The following CDK13 variants were observed in gnomAD, a reference collection of about 807,000 sequenced individuals.
CDK13 encodes cyclin-dependent kinase 13.
In CDK13, 40 loss-of-function variants were observed where a neutral mutation model predicts 137.6. That is an observed-to-expected ratio of 0.29 (90% confidence interval 0.23 to 0.38). The LOEUF is 0.38. Among genes scored for constraint, CDK13 ranks in the 10% least tolerant of loss-of-function variants. CDK13 has a pLI of 1.00. For synonymous variants in CDK13, 869 were observed against 760.1 expected, an observed-to-expected ratio of 1.14 and a Z score of -2.36; for missense variants, 1,704 against 1,951.8, an observed-to-expected ratio of 0.87 and a Z score of 2.39.
intron 1 of CDK13, among the ~76,000 whole-genome samples, chr7:39,965,899 A>T (rs1013913360): frequency 4.6e-5 from 7 of 152,140 alleles, no homozygotes; most frequent in African/African-American, 1.7e-4. Flanking sequence ...CTGGATATGA[A>T]ATTCTGGGTT....
chr7:39,965,189 C>T (rs1399286286), intron 1 of CDK13, among the ~76,000 whole-genome samples: 1 of 152,168 alleles, frequency 6.6e-6, no homozygotes, highest in Admixed American at 6.5e-5. Flanking sequence ...TGTTAACTTT[C>T]TGTCTCGTTG....
chr7:40,010,767 A>G (rs12154221), intron 5 of CDK13, among the ~76,000 whole-genome samples: 23 of 152,320 alleles, frequency 1.5e-4, no homozygotes, highest in African/African-American at 5.5e-4. Context: ...ACAGGCCAGT[A>G]CTAGGATTGG....
In CDK13 at chr7:39,964,000, T is replaced by C. The variant is rs186081138; in HGVS notation, c.1211+12148T>C. Among the ~76,000 whole-genome samples, 401 of 152,368 alleles carry C rather than the reference T, an allele frequency of 2.6e-3. 1 individual carries two copies. The highest frequency in any genetic ancestry group is 9.1e-3 in the African/African-American group (379 of 41,592). On this transcript the variant is annotated intron_variant, in intron 1 of 13. Transcript: ENST00000181839. ...TGATCATGGTGGATAAGCTTTTTGA[T>C]GTACTGCTGGATTTGGTTTGCCAGT...
At chr7:39,968,993 TC>T (rs1329934399) in intron 1 of CDK13, among the ~76,000 whole-genome samples, 1 of 152,134 alleles carries the variant, frequency 6.6e-6, no homozygotes, top group African/African-American at 2.4e-5. Flanking sequence ...CAACCTTAGT[TC>T]AGGTGGGTTT....
intron 1 of CDK13, among the ~76,000 whole-genome samples, chr7:39,954,088 C>T (rs1787328874): frequency 6.6e-6 from 1 of 152,190 alleles, no homozygotes. Context: ...CGAACCATTG[C>T]TCCAAGTTTA....
intron 5 of CDK13, among the ~76,000 whole-genome samples, chr7:40,045,276 C>T (rs367994075): frequency 6.6e-6 from 1 of 152,048 alleles, no homozygotes; most frequent in Non-Finnish European, 1.5e-5. Context: ...GGTAGCAGGA[C>T]TAAGCTGTTT....
At chr7:40,027,588 T>G (rs369214087) in intron 5 of CDK13, among the ~76,000 whole-genome samples, 31 of 151,886 alleles carry the variant, frequency 2.0e-4, no homozygotes, top group Admixed American at 1.6e-3. Flanking sequence ...TTGGGAGAGA[T>G]ATGGTATTTG....
chr7:40,092,915 T>A lies in CDK13; in HGVS notation c.3366T>A (p.Thr1122=). ...QVLNIKVNSE[T]QQQLNKINLP... is the part of the protein sequence containing the mutation. ...TGAACATTAAGGTAAACTCTGAGACTCAACAGCAGCTAAATAAAATAAACC... is the reference window on the plus strand; with the variant it reads ...TGAACATTAAGGTAAACTCTGAGACACAACAGCAGCTAAATAAAATAAACC... Residue 1122 remains threonine, a synonymous_variant, in exon 13 of 14, where the codon ACT becomes ACA. Coordinates refer to ENST00000181839, the MANE Select transcript of CDK13 (RefSeq NM_003718.5). The A allele has an allele frequency of 6.2e-7, 1 of 1,614,202 alleles. No homozygotes were observed. Among genetic ancestry groups the A allele is most frequent in the Non-Finnish European group, 8.5e-7 (1 of 1,180,030 alleles).
intron 4 of CDK13, 55 bp downstream of exon 4, chr7:39,999,555 GT>G: frequency 6.7e-7 from 1 of 1,494,328 alleles, no homozygotes; most frequent in Non-Finnish European, 9.0e-7. Context: ...CTTAGTTTGT[GT>G]TTCTCTTCTG....
At chr7:40,037,232 G>A (rs1327353507) in intron 5 of CDK13, among the ~76,000 whole-genome samples, 1 of 152,186 alleles carries the variant, frequency 6.6e-6, no homozygotes, top group Non-Finnish European at 1.5e-5. Context: ...TGAAGTTTCT[G>A]TGGGCAGGAA....
chr7:40,052,455 G>A (rs1785913649), intron 7 of CDK13, among the ~76,000 whole-genome samples: 1 of 152,160 alleles, frequency 6.6e-6, no homozygotes, highest in Non-Finnish European at 1.5e-5. Flanking sequence ...AGGATTACAG[G>A]TGTGAGCCAC....
chr7:40,064,957 ATTTTTTTTTTTTTTTTTTTTT>A lies in CDK13; in HGVS notation c.2780+1871_2780+1891del, dbSNP rs56710188. On this transcript the variant is annotated intron_variant, in intron 9 of 13. Coordinates refer to ENST00000181839, the MANE Select transcript of CDK13 (RefSeq NM_003718.5). ...CAGGCATGCACCACCATGCTGGGTGATTTTTTTTTTTTTTTTTTTTTTTTTTTTTTTTTTGGAGACCGGCTT... is the reference window on the plus strand; with the variant it reads ...CAGGCATGCACCACCATGCTGGGTGATTTTTTTTTTTTTGGAGACCGGCTT... Among the ~76,000 whole-genome samples the A allele has an allele frequency of 4.6e-4, 21 of 46,142 alleles. No individual in the cohort carries two copies. The East Asian group carries it at 0.014, about 30-fold the overall frequency. The allele number at this position is 46,142 out of a possible 152,430, so 30.3% of individuals were successfully genotyped here.
intron 9 of CDK13, 128 bp from the exon 10 acceptor site, chr7:40,077,877 A>G (rs544586693): frequency 1.5e-5 from 8 of 522,060 alleles, no homozygotes; most frequent in Non-Finnish European, 2.7e-5. Context: ...AGAATAAAAT[A>G]ACAAAAGTTT....
chr7:39,964,318 A>C (rs1474323356), intron 1 of CDK13, among the ~76,000 whole-genome samples: 1 of 152,070 alleles, frequency 6.6e-6, no homozygotes, highest in Non-Finnish European at 1.5e-5. Flanking sequence ...GTCTATTCAG[A>C]TATTCAGCTT....
intron 1 of CDK13, among the ~76,000 whole-genome samples, chr7:39,976,329 A>T (rs868695179): frequency 0.16 from 8,852 of 56,966 alleles, 398 homozygotes; most frequent in East Asian, 0.5. Flanking sequence ...TCTCTCACAC[A>T]CACACACACA....
chr7:40,058,677 T>C (rs753935280), intron 7 of CDK13, among the ~76,000 whole-genome samples: 32 of 152,262 alleles, frequency 2.1e-4, no homozygotes, highest in Middle Eastern at 3.4e-3. Context: ...GGTATTTGGA[T>C]TGGGGATCTA....
chr7:40,092,723 G>C, intron 12 of CDK13, 62 bp from the exon 13 acceptor site: 1 of 1,184,222 alleles, frequency 8.4e-7, no homozygotes, highest in Non-Finnish European at 1.2e-6. Context: ...GAGCCATTTT[G>C]GTGTGGGAGT....
chr7:39,974,245 T>G (rs1784058331), intron 1 of CDK13, among the ~76,000 whole-genome samples: 1 of 152,066 alleles, frequency 6.6e-6, no homozygotes, highest in African/African-American at 2.4e-5. Context: ...TTTTTTTTTC[T>G]TTTTGAGACA....
chr7:40,054,366 T>C (rs1785963327), intron 7 of CDK13, among the ~76,000 whole-genome samples: 1 of 152,172 alleles, frequency 6.6e-6, no homozygotes, highest in South Asian at 2.1e-4. Context: ...ACAAAAAATA[T>C]TTTGATAGCA....
Sources: gnomAD v4.1 joint callset for allele counts (sites outside exome capture counted in the v4.1 genomes callset) on GRCh38, gnomAD v4.1.1 for gene constraint, MANE v1.5 for transcripts, NCBI Gene and HGNC (gene_info 2026-07-23, HGNC 2026-07-21) for gene names.